CFAP54: variants seen among roughly 807,000 people sequenced by gnomAD.
CFAP54 encodes the protein cilia and flagella associated protein 54.
CFAP54 carries 290 observed loss-of-function variants against 370.4 expected under a neutral mutation model. The ratio of observed to expected loss-of-function variants is 0.78; its 90% CI spans 0.71 to 0.86. CFAP54 has a LOEUF of 0.86. Among genes scored for constraint, CFAP54 ranks in the 40% least tolerant of loss-of-function variants. The pLI, the probability that CFAP54 is intolerant of heterozygous loss-of-function variation, is 0.00. For synonymous variants in CFAP54, 1,206 were observed against 1,236.5 expected (o/e 0.98, Z 0.52); for missense variants, 3,399 against 3,528.7 (o/e 0.96, Z 0.93).
chr12:96,522,679 T>A (rs541187448), intron 8 of CFAP54, among the ~76,000 whole-genome samples: 3 of 152,314 alleles, frequency 2.0e-5, no homozygotes, highest in Admixed American at 2.0e-4. Context: ...AACAACAATT[T>A]ATTGCCTACT....
At chr12:96,848,881 C>T (rs1310923281) in intron 66 of CFAP54, among the ~76,000 whole-genome samples, 1 of 152,152 alleles carries the variant, frequency 6.6e-6, no homozygotes, top group Non-Finnish European at 1.5e-5. Context: ...TGTGGAAAAG[C>T]CCTGTTACCT....
rs1397981954 is a variant in CFAP54 at position 96,699,959 on chromosome 12, T to C, written c.6352-12T>C. 3 of 1,543,916 alleles carry C rather than the reference T, an allele frequency of 1.9e-6. No homozygotes were observed. The highest frequency in any genetic ancestry group is 2.6e-6 in the Non-Finnish European group (3 of 1,136,958). On this transcript the variant is annotated splice_polypyrimidine_tract_variant and intron_variant, in intron 45 of 67. Transcript: ENST00000524981. ...TTTAATTAAGTACCTCATTATTTCC[T>C]TTCCTTTACAGATAGAAGTCCTTAT...
chr12:96,849,350 T>C (rs1267869518), intron 66 of CFAP54, among the ~76,000 whole-genome samples: 2 of 152,230 alleles, frequency 1.3e-5, no homozygotes, highest in Admixed American at 1.3e-4. Flanking sequence ...ATATCCCACT[T>C]ATCAATTAAA....
At chr12:96,798,197 T>C (rs1414548155) in intron 63 of CFAP54, among the ~76,000 whole-genome samples, 4 of 152,084 alleles carry the variant, frequency 2.6e-5, no homozygotes, top group Non-Finnish European at 4.4e-5. Flanking sequence ...ATATTTACTA[T>C]TTGGTTTGTT....
chr12:96,664,773 A>ACC (rs1565934468), intron 39 of CFAP54, among the ~76,000 whole-genome samples: 2 of 20,310 alleles, frequency 9.8e-5, no homozygotes, highest in African/African-American at 2.9e-4. Flanking sequence ...ATCTATATCT[A>ACC]TATCTATATA....
chr12:96,764,272 C>T (rs1958373375), intron 59 of CFAP54, 23 bp downstream of exon 59: 4 of 1,542,140 alleles, frequency 2.6e-6, no homozygotes, highest in Non-Finnish European at 3.6e-6. Flanking sequence ...TTTGTTTAAT[C>T]TTTCTTCTTA....
intron 22 of CFAP54, among the ~76,000 whole-genome samples, chr12:96,585,748 A>G (rs537469063): frequency 1.3e-5 from 2 of 152,324 alleles, no homozygotes; most frequent in East Asian, 3.9e-4. Context: ...TACAGCCAGC[A>G]TGGACTTTCC....
At chr12:96,872,279 T>C (rs766542120) in intron 67 of CFAP54, among the ~76,000 whole-genome samples, 3 of 152,160 alleles carry the variant, frequency 2.0e-5, no homozygotes, top group Non-Finnish European at 4.4e-5. Flanking sequence ...TGGGTTGCCT[T>C]CTTAAAAGTG....
intron 60 of CFAP54, among the ~76,000 whole-genome samples, chr12:96,772,688 C>T (rs998649515): frequency 6.6e-6 from 1 of 150,600 alleles, no homozygotes; most frequent in African/African-American, 2.5e-5. Context: ...GGAATAATCT[C>T]GGCTCACTGC....
At chr12:96,694,725 G>GA (rs890986875) in intron 45 of CFAP54, among the ~76,000 whole-genome samples, 28 of 147,380 alleles carry the variant, frequency 1.9e-4, no homozygotes, top group African/African-American at 3.7e-4. Flanking sequence ...AATTGGCTCT[G>GA]AAAAAAAAAA....
intron 26 of CFAP54, among the ~76,000 whole-genome samples, chr12:96,617,422 C>T (rs1366831542): frequency 6.6e-6 from 1 of 152,108 alleles, no homozygotes; most frequent in Non-Finnish European, 1.5e-5. Context: ...GCACTTAGTC[C>T]AAGAGGTCAA....
At chr12:96,742,338 A>T in intron 51 of CFAP54, 101 bp from the exon 52 acceptor site, 1 of 749,620 alleles carries the variant, frequency 1.3e-6, no homozygotes, top group East Asian at 2.7e-5. Context: ...AATACTGTGG[A>T]ATGATACCAG....
At chr12:96,647,164 C>G (rs1471096208) in intron 33 of CFAP54, 1 of 151,692 alleles carries the variant, frequency 6.6e-6, no homozygotes, top group Non-Finnish European at 1.5e-5. Flanking sequence ...TGTTCAATGC[C>G]TAGACCTTAT....
chr12:96,693,643 A>C (rs1565944524), intron 44 of CFAP54, 79 bp from the exon 45 acceptor site: 3 of 903,412 alleles, frequency 3.3e-6, no homozygotes, highest in South Asian at 1.6e-5. Context: ...CCTATATTTA[A>C]TATTTGGCTA....
chr12:96,551,525 C>A (rs995876951), intron 15 of CFAP54, among the ~76,000 whole-genome samples: 2 of 107,960 alleles, frequency 1.9e-5, no homozygotes, highest in Non-Finnish European at 3.8e-5. Context: ...GTGTGTGTGT[C>A]TGTATGTATA....
At chr12:96,749,327 T>G (rs1052363149) in intron 55 of CFAP54, among the ~76,000 whole-genome samples, 11 of 152,258 alleles carry the variant, frequency 7.2e-5, no homozygotes, top group Non-Finnish European at 1.6e-4. Context: ...AGTAATCTCA[T>G]GCAGGAGGGC....
chr12:96,865,878 A>G (rs1959993955), intron 67 of CFAP54, among the ~76,000 whole-genome samples: 1 of 152,110 alleles, frequency 6.6e-6, no homozygotes, highest in Admixed American at 6.5e-5. Flanking sequence ...TAAACTATAT[A>G]CATATGCCCA....
chr12:96,779,020 T>A (rs1958553929), intron 60 of CFAP54, among the ~76,000 whole-genome samples: 1 of 150,312 alleles, frequency 6.7e-6, no homozygotes, highest in Admixed American at 6.7e-5. Context: ...GGCAGGAGAA[T>A]CTCTTGGACC....
intron 65 of CFAP54, among the ~76,000 whole-genome samples, chr12:96,822,634 G>C (rs1231782248): frequency 1.3e-5 from 2 of 152,130 alleles, no homozygotes; most frequent in Non-Finnish European, 2.9e-5. Context: ...AATGAGCCCA[G>C]CCACCCAGTA....
Sources: allele counts gnomAD v4.1 joint callset (sites outside exome capture counted in the v4.1 genomes callset), GRCh38; gene constraint gnomAD v4.1.1; transcripts MANE v1.5; gene names NCBI Gene and HGNC (gene_info 2026-07-23, HGNC 2026-07-21).